The following PSD3 variants were observed in gnomAD, a reference collection of about 807,000 sequenced individuals.
PSD3 encodes PH and SEC7 domain-containing protein 3.
A neutral mutation model predicts 105.5 loss-of-function variants in PSD3; 49 were observed. The observed-to-expected ratio is 0.46, with a 90% CI of 0.37 to 0.59. The LOEUF (loss-of-function observed/expected upper bound fraction) is 0.59. Ranked by LOEUF, PSD3 falls within the 20% of genes least tolerant of loss-of-function variation. The pLI is 0.00. For missense variants in PSD3, 1,561 were observed against 1,263.8 expected (o/e 1.24, Z -3.57); for synonymous variants, 557 against 457.8 (o/e 1.22, Z -2.77).
chr8:18,828,341 C>A (rs957763239), intron 4 of PSD3, among the ~76,000 whole-genome samples: 1 of 151,958 alleles, frequency 6.6e-6, no homozygotes, highest in Non-Finnish European at 1.5e-5. Flanking sequence ...CTTTGTTGTA[C>A]CTCCTTATTA....
chr8:18,577,809 T>C lies in PSD3; in HGVS notation c.2482-2524A>G, dbSNP rs539216008. Among the ~76,000 whole-genome samples the C allele has an allele frequency of 1.0e-3, 152 of 152,266 alleles. 1 individual carries two copies. The Middle Eastern group carries it at 0.01, about 10-fold the overall frequency. ...GAAGCCTTATTTTGAATTTAGATTATACATTCTGAGTCTCCCCTCATAGAT... is the reference window on the plus strand; with the variant it reads ...GAAGCCTTATTTTGAATTTAGATTACACATTCTGAGTCTCCCCTCATAGAT... On this transcript the variant is annotated intron_variant, in intron 12 of 15. Transcript: ENST00000327040.
chr8:18,805,926 A>T lies in PSD3; in HGVS notation c.1635-1028T>A, dbSNP rs1300449147. 6.6e-5 allele frequency among the ~76,000 whole-genome samples: 10 copies of T among 152,362 alleles called. 1 individual carries two copies. The South Asian group carries it at 2.1e-3, about 32-fold the overall frequency. ...TTCAAGAAAATGTTTGCCAATAACC[A>T]TAGTTTGTCAGTCATTCTCTCAAGG... On this transcript the variant is annotated intron_variant, in intron 4 of 15. Coordinates refer to ENST00000327040, the MANE Select transcript of PSD3 (RefSeq NM_015310.4).
At chr8:18,871,367 T>G (rs1264991239) in intron 3 of PSD3, among the ~76,000 whole-genome samples, 1 of 152,214 alleles carries the variant, frequency 6.6e-6, no homozygotes, top group African/African-American at 2.4e-5. Flanking sequence ...ATTCACAGTT[T>G]AGTGTTCACA....
chr8:18,876,127 A>G (rs887807044), intron 2 of PSD3, among the ~76,000 whole-genome samples: 5 of 151,854 alleles, frequency 3.3e-5, no homozygotes, highest in African/African-American at 1.2e-4. Context: ...GGGTCTCTCT[A>G]TGGTTCCCAG....
At chr8:18,767,022 G>A (rs1807058602) in intron 8 of PSD3, among the ~76,000 whole-genome samples, 1 of 152,180 alleles carries the variant, frequency 6.6e-6, no homozygotes, top group African/African-American at 2.4e-5. Flanking sequence ...GCTACTCACT[G>A]TATATAGAAA....
At chr8:18,712,700 C>T (rs1219076250) in intron 9 of PSD3, among the ~76,000 whole-genome samples, 1 of 152,094 alleles carries the variant, frequency 6.6e-6, no homozygotes. Context: ...AATTCTACCA[C>T]AGGTACAAAC....
At chr8:18,952,472 A>G (rs1484258265) in intron 1 of PSD3, among the ~76,000 whole-genome samples, 2 of 152,214 alleles carry the variant, frequency 1.3e-5, no homozygotes, top group African/African-American at 4.8e-5. Flanking sequence ...ATTGATACAC[A>G]TGATAGTAAA....
At chr8:19,058,950 G>A (rs1487155329) in intron 1 of PSD3, among the ~76,000 whole-genome samples, 7 of 152,128 alleles carry the variant, frequency 4.6e-5, no homozygotes, top group South Asian at 4.1e-4. Flanking sequence ...TGGCCCTCGC[G>A]TTCACTCTTC....
intron 10 of PSD3, among the ~76,000 whole-genome samples, chr8:18,638,191 A>G (rs1010355279): frequency 1.1e-4 from 16 of 151,602 alleles, no homozygotes; most frequent in Admixed American, 1.1e-3. Flanking sequence ...GTACTGTTAC[A>G]GCCCACAGCT....
intron 1 of PSD3, among the ~76,000 whole-genome samples, chr8:19,071,587 C>G (rs1829264982): frequency 6.6e-6 from 1 of 152,158 alleles, no homozygotes; most frequent in African/African-American, 2.4e-5. Flanking sequence ...GAAAGACAAC[C>G]CTGATGAACC....
At chr8:18,953,893 A>G (rs1186532364) in intron 1 of PSD3, among the ~76,000 whole-genome samples, 1 of 152,228 alleles carries the variant, frequency 6.6e-6, no homozygotes, top group Non-Finnish European at 1.5e-5. Flanking sequence ...AAATATGTGT[A>G]GTATGACACT....
chr8:18,762,525 G>C (rs1402637075), intron 9 of PSD3, among the ~76,000 whole-genome samples: 1 of 152,186 alleles, frequency 6.6e-6, no homozygotes, highest in Non-Finnish European at 1.5e-5. Flanking sequence ...CTGCTTTGAA[G>C]AACCTAAGTA....
chr8:18,734,995 C>G (rs538583680), intron 9 of PSD3, among the ~76,000 whole-genome samples: 7 of 152,292 alleles, frequency 4.6e-5, no homozygotes, highest in African/African-American at 1.7e-4. Flanking sequence ...TGCCCTTTAT[C>G]CCCTTGAAAG....
chr8:18,988,481 T>C (rs1825622776), intron 1 of PSD3, among the ~76,000 whole-genome samples: 1 of 152,240 alleles, frequency 6.6e-6, no homozygotes, highest in African/African-American at 2.4e-5. Context: ...GCGGCATTTC[T>C]AGGCCATTGC....
intron 2 of PSD3, among the ~76,000 whole-genome samples, chr8:18,928,367 T>C (rs538818397): frequency 7.9e-5 from 12 of 152,360 alleles, no homozygotes; most frequent in East Asian, 1.9e-4. Context: ...TCCAGCCATG[T>C]GGAACTGTGA....
At chr8:18,631,847 G>T (rs1409265433) in intron 11 of PSD3, among the ~76,000 whole-genome samples, 1 of 151,944 alleles carries the variant, frequency 6.6e-6, no homozygotes, top group South Asian at 2.1e-4. Flanking sequence ...TCCAGCTACA[G>T]ATAGAAACAG....
chr8:18,935,541 T>C (rs1822059194), intron 2 of PSD3, among the ~76,000 whole-genome samples: 1 of 151,626 alleles, frequency 6.6e-6, no homozygotes, highest in Non-Finnish European at 1.5e-5. Context: ...AAAAAGTATT[T>C]TTTTAATTAG....
intron 8 of PSD3, among the ~76,000 whole-genome samples, chr8:18,783,239 A>T (rs75928413): frequency 0.063 from 9,541 of 152,178 alleles, 404 homozygotes; most frequent in Non-Finnish European, 0.1. Context: ...GAATTTGTTC[A>T]TTTCATCTAG....
chr8:18,978,949 C>T (rs1255364167), intron 1 of PSD3, among the ~76,000 whole-genome samples: 1 of 152,124 alleles, frequency 6.6e-6, no homozygotes, highest in Non-Finnish European at 1.5e-5. Flanking sequence ...AGCAGTGAAG[C>T]AGTTCAGTCT....
Sources: allele counts gnomAD v4.1 joint callset (sites outside exome capture counted in the v4.1 genomes callset), GRCh38; gene constraint gnomAD v4.1.1; transcripts MANE v1.5; gene names NCBI Gene and HGNC (gene_info 2026-07-23, HGNC 2026-07-21).